Variants in ACYP2 observed in about 807,000 individuals in gnomAD.
The protein encoded by ACYP2 is acylphosphatase 2.
Under a neutral mutation model 11.2 loss-of-function variants are expected in ACYP2, and 12 were observed. That is an observed-to-expected ratio of 1.08 (90% CI 0.69 to 1.74). ACYP2 has a LOEUF of 1.74. Ranked by LOEUF, ACYP2 falls within the 40% of genes most tolerant of loss-of-function variation. ACYP2 has a pLI of 0.00. For synonymous variants in ACYP2, 43 were observed against 32.2 expected (o/e 1.33, Z -1.13); for missense variants, 134 against 101.9 (o/e 1.31, Z -1.35).
chr2:54,115,725 C>G, intron 4 of ACYP2: 1 of 1,613,022 alleles, frequency 6.2e-7, no homozygotes, highest in Non-Finnish European at 8.5e-7. Context: ...CACTCAAATC[C>G]GTGGACTACG....
chr2:54,033,020 TAC>T (rs1312969163), intron 2 of ACYP2, among the ~76,000 whole-genome samples: 1 of 152,116 alleles, frequency 6.6e-6, no homozygotes, highest in Non-Finnish European at 1.5e-5. Context: ...CCATTGTATG[TAC>T]AGTGTTGGGT....
At chr2:54,204,188 G>C (rs888639917) in intron 6 of ACYP2, among the ~76,000 whole-genome samples, 5 of 151,928 alleles carry the variant, frequency 3.3e-5, no homozygotes, top group African/African-American at 1.2e-4. Flanking sequence ...TAGTAGAGAC[G>C]GAATTTCACC....
intron 6 of ACYP2, among the ~76,000 whole-genome samples, chr2:54,140,578 T>C (rs965841703): frequency 2.0e-5 from 3 of 151,974 alleles, no homozygotes; most frequent in Admixed American, 6.6e-5. Context: ...ATGGATTTTG[T>C]TCAATATTTG....
intron 6 of ACYP2, among the ~76,000 whole-genome samples, chr2:54,245,403 T>TG (rs1472863950): frequency 3.3e-5 from 5 of 152,162 alleles, no homozygotes. Context: ...TGCTGAGTAG[T>TG]GGGATTGTTG....
intron 4 of ACYP2, among the ~76,000 whole-genome samples, chr2:54,108,699 ACT>A (rs1330215111): frequency 2.6e-5 from 4 of 151,996 alleles, no homozygotes; most frequent in Admixed American, 1.3e-4. Flanking sequence ...GTCTGGGCAC[ACT>A]CTGTTCAAAA....
intron 2 of ACYP2, among the ~76,000 whole-genome samples, chr2:54,045,794 T>C (rs1036738283): frequency 6.6e-6 from 1 of 151,666 alleles, no homozygotes; most frequent in South Asian, 2.1e-4. Context: ...CCAGCCTGGG[T>C]GACAGAGTGA....
At chr2:54,258,828 G>C (rs1338120565) in intron 6 of ACYP2, among the ~76,000 whole-genome samples, 1 of 152,092 alleles carries the variant, frequency 6.6e-6, no homozygotes, top group Non-Finnish European at 1.5e-5. Flanking sequence ...AATTTATAAA[G>C]AAAAGCTTAT....
intron 6 of ACYP2, among the ~76,000 whole-genome samples, chr2:54,289,892 GT>G (rs1689226884): frequency 6.6e-6 from 1 of 151,960 alleles, no homozygotes; most frequent in South Asian, 2.1e-4. Flanking sequence ...CATCTTCAGG[GT>G]TAACCACATG....
intron 2 of ACYP2, among the ~76,000 whole-genome samples, chr2:53,981,185 A>G (rs1333951742): frequency 6.6e-6 from 1 of 152,152 alleles, no homozygotes; most frequent in East Asian, 1.9e-4. Flanking sequence ...TTTGTTGCCT[A>G]GAAGTGTTAC....
intron 2 of ACYP2, among the ~76,000 whole-genome samples, chr2:54,026,558 GTA>G (rs61186124): frequency 0.46 from 69,925 of 151,796 alleles, 16,295 homozygotes; most frequent in South Asian, 0.54. Context: ...CCATTACTGG[GTA>G]TCTACCCAGA....
rs58437873 is a variant in ACYP2, at chr2:54,223,513, T to G, written c.405-81175T>G. The stretch of plus-strand genomic sequence containing the variant: ...TAGGAGCTTGAAAACTTGATATGTT[T>G]ATGAGCCCAGAATTTAGACACTGCT... On this transcript the variant is annotated intron_variant, in intron 6 of 6. Coordinates refer to ENST00000607452, the MANE Select transcript of ACYP2 (RefSeq NM_001320586.2). Among the ~76,000 whole-genome samples, 1,414 of 152,320 alleles carry G rather than the reference T, an allele frequency of 9.3e-3. 22 individuals carry two copies. The highest frequency in any genetic ancestry group is 0.033 in the African/African-American group (1,352 of 41,560).
chr2:54,115,620 TC>T (rs1251242749), intron 4 of ACYP2: 15 of 1,562,676 alleles, frequency 9.6e-6, no homozygotes, highest in Non-Finnish European at 1.3e-5. Flanking sequence ...GTCCCATGTG[TC>T]CCCTCCCTCT....
At chr2:54,227,604 C>T (rs1409493093) in intron 6 of ACYP2, among the ~76,000 whole-genome samples, 7 of 149,806 alleles carry the variant, frequency 4.7e-5, no homozygotes, top group Admixed American at 2.7e-4. Context: ...ACCCTGGCAA[C>T]AGAGCAAGAC....
chr2:54,062,931 G>C (rs1397199234), intron 4 of ACYP2, among the ~76,000 whole-genome samples: 1 of 152,116 alleles, frequency 6.6e-6, no homozygotes, highest in Non-Finnish European at 1.5e-5. Flanking sequence ...GTTATTAAAG[G>C]CTTAAGAATT....
At chr2:54,017,896 C>A (rs1673787134) in intron 2 of ACYP2, among the ~76,000 whole-genome samples, 1 of 151,876 alleles carries the variant, frequency 6.6e-6, no homozygotes, top group South Asian at 2.1e-4. Context: ...AACAGGGTCT[C>A]ACTTTGTTGT....
intron 4 of ACYP2, among the ~76,000 whole-genome samples, chr2:54,129,604 T>A (rs1439483020): frequency 6.7e-6 from 1 of 150,062 alleles, no homozygotes; most frequent in African/African-American, 2.4e-5. Flanking sequence ...CTATCTATTA[T>A]ATATAATAGA....
At chr2:54,123,600 C>A (rs1272996316) in intron 4 of ACYP2, among the ~76,000 whole-genome samples, 1 of 152,100 alleles carries the variant, frequency 6.6e-6, no homozygotes, top group Non-Finnish European at 1.5e-5. Flanking sequence ...CCAGCTGCTT[C>A]CCATTCCCCA....
chr2:54,077,023 C>T (rs1226814656), intron 4 of ACYP2, among the ~76,000 whole-genome samples: 4 of 152,154 alleles, frequency 2.6e-5, no homozygotes, highest in Non-Finnish European at 5.9e-5. Context: ...ACATATAAAT[C>T]AGGTTTTCAA....
intron 6 of ACYP2, among the ~76,000 whole-genome samples, chr2:54,252,651 C>CATAAA (rs1377129918): frequency 6.6e-6 from 1 of 152,102 alleles, no homozygotes; most frequent in Non-Finnish European, 1.5e-5. Context: ...ATACCATTGG[C>CATAAA]ATAAAATAAA....
Sources: gnomAD v4.1 joint callset for allele counts (sites outside exome capture counted in the v4.1 genomes callset) on GRCh38, gnomAD v4.1.1 for gene constraint, MANE v1.5 for transcripts, NCBI Gene and HGNC (gene_info 2026-07-23, HGNC 2026-07-21) for gene names.